Variants in NCR1 observed in about 807,000 individuals in gnomAD.
The protein encoded by NCR1 is natural cytotoxicity triggering receptor 1.
Under a neutral mutation model 32.5 loss-of-function variants are expected in NCR1, and 30 were observed. The ratio of observed to expected loss-of-function variants is 0.92; its 90% CI spans 0.69 to 1.25. NCR1 has a LOEUF of 1.25. Ranked by LOEUF, NCR1 falls within the 50% of genes most tolerant of loss-of-function variation. NCR1 has a pLI of 0.00. For missense variants in NCR1, 369 were observed against 380.7 expected, an observed-to-expected ratio of 0.97 and a Z score of 0.26; for synonymous variants, 169 against 143.4, an observed-to-expected ratio of 1.18 and a Z score of -1.28.
the NCR1 span, chr19:54,938,018 T>C: frequency 6.3e-7 from 1 of 1,579,128 alleles, no homozygotes. Flanking sequence ...TTCAGGGTCT[T>C]CCTTGCAAGA....
chr19:54,923,942 GT>G, the NCR1 span: 8 of 1,516,798 alleles, frequency 5.3e-6, no homozygotes, highest in Non-Finnish European at 7.3e-6. Context: ...CTGAATATCT[GT>G]TTTCAAACAC....
chr19:54,900,019 T>C, the NCR1 span, among the ~76,000 whole-genome samples: 1 of 151,544 alleles, frequency 6.6e-6, no homozygotes, highest in Non-Finnish European at 1.5e-5. Flanking sequence ...GAGAAGAGAG[T>C]AAAAAGAGGC....
chr19:54,936,352 T>C, the NCR1 span: 1 of 1,613,904 alleles, frequency 6.2e-7, no homozygotes, highest in South Asian at 1.1e-5. Context: ...CCTGCCAGGG[T>C]CAGGTGCGTG....
At chr19:54,934,039 G>C in the NCR1 span, among the ~76,000 whole-genome samples, 1 of 152,128 alleles carries the variant, frequency 6.6e-6, no homozygotes, top group South Asian at 2.1e-4. The surrounding 1 kb of genome is among the most constrained non-coding windows in gnomAD (Gnocchi z 6.7). Flanking sequence ...CGCCTCCCAG[G>C]TTTACACCAT....
upstream of NCR1, among the ~76,000 whole-genome samples, chr19:54,903,866 T>TATTAC (rs2067383055): frequency 6.6e-6 from 1 of 151,708 alleles, no homozygotes; most frequent in Non-Finnish European, 1.5e-5. Flanking sequence ...GGCTCACACC[T>TATTAC]GTAATCCCAG....
At chr19:54,928,873 G>A in the NCR1 span, among the ~76,000 whole-genome samples, 1 of 151,948 alleles carries the variant, frequency 6.6e-6, no homozygotes, top group Non-Finnish European at 1.5e-5. Context: ...CGTGATCTCG[G>A]CTCACTGCAA....
downstream of NCR1, among the ~76,000 whole-genome samples, chr19:54,916,317 C>CTTTTTTTTTTTTTT (rs71181711): frequency 2.9e-4 from 25 of 87,108 alleles, 3 homozygotes; most frequent in African/African-American, 5.8e-4. Flanking sequence ...GAATATTGTG[C>CTTTTTTTTTTTTTT]TTTTTTTTTT....
At chr19:54,930,696 G>C in the NCR1 span, 1 of 1,602,358 alleles carries the variant, frequency 6.2e-7, no homozygotes, top group South Asian at 1.1e-5. Context: ...AGAGAAGCCT[G>C]TTATCCCTCT....
At chr19:54,936,412 C>T in the NCR1 span, 1 of 1,614,108 alleles carries the variant, frequency 6.2e-7, no homozygotes, top group Non-Finnish European at 8.5e-7. Flanking sequence ...TACGCGGTGT[C>T]AGGGGTGACG....
chr19:54,934,024 ATCG>A, the NCR1 span, among the ~76,000 whole-genome samples: 2 of 152,118 alleles, frequency 1.3e-5, no homozygotes, highest in African/African-American at 2.4e-5. This position sits in a 1 kb window ranked among gnomAD's most constrained non-coding sequence, Gnocchi z 6.7. Flanking sequence ...TTCACTGCCA[ATCG>A]CCGCCTCCCA....
upstream of NCR1, among the ~76,000 whole-genome samples, chr19:54,903,907 C>G (rs1258798756): frequency 6.6e-6 from 1 of 151,424 alleles, no homozygotes; most frequent in African/African-American, 2.4e-5. Context: ...GGAAGATTCA[C>G]TTGAGGTGAG....
upstream of NCR1, among the ~76,000 whole-genome samples, chr19:54,902,127 T>C (rs1046510281): frequency 2.6e-5 from 4 of 152,218 alleles, no homozygotes; most frequent in Admixed American, 1.3e-4. Context: ...TGAACATTAA[T>C]AACAGAATGT....
At chr19:54,937,487 T>G in the NCR1 span, among the ~76,000 whole-genome samples, 10 of 126,852 alleles carry the variant, frequency 7.9e-5, no homozygotes, top group Non-Finnish European at 1.5e-4. Context: ...AGGTCAGGAG[T>G]TCGAGACAAG....
chr19:54,906,133 T>C (rs111900299), upstream of NCR1: 5 of 1,612,964 alleles, frequency 3.1e-6, no homozygotes, highest in African/African-American at 2.7e-5. Flanking sequence ...TCTATCTCCC[T>C]GGCCCGCCCG....
chr19:54,930,276 G>A, the NCR1 span, among the ~76,000 whole-genome samples: 1 of 151,692 alleles, frequency 6.6e-6, no homozygotes, highest in Admixed American at 6.6e-5. Flanking sequence ...AAACCAGCCC[G>A]GGAAAGATGA....
chr19:54,905,667 C>T (rs1473980900), upstream of NCR1, among the ~76,000 whole-genome samples: 1 of 152,148 alleles, frequency 6.6e-6, no homozygotes, highest in Non-Finnish European at 1.5e-5. Flanking sequence ...GGCTCACTAG[C>T]CACAGACAGA....
chr19:54,917,323 A>AAC (rs1187988061), downstream of NCR1, among the ~76,000 whole-genome samples: 7 of 151,306 alleles, frequency 4.6e-5, no homozygotes, highest in African/African-American at 1.5e-4. Context: ...AAAAAAAACA[A>AAC]AAACAAAAAC....
chr19:54,906,411 T>A (rs45609140), intron 2 of NCR1, 77 bp downstream of exon 2: 1,572,577 of 1,604,138 alleles, frequency 0.98, 770,877 homozygotes, highest in East Asian at 1. Context: ...ACGGCTGGGG[T>A]GAGGGGACAG....
chr19:54,903,817 T>C (rs972665309), upstream of NCR1, among the ~76,000 whole-genome samples: 3 of 151,678 alleles, frequency 2.0e-5, no homozygotes, highest in African/African-American at 7.3e-5. Context: ...GGAGAGTTAG[T>C]TACTTACTTA....
Sources: gnomAD v4.1 joint callset for allele counts (sites outside exome capture counted in the v4.1 genomes callset) on GRCh38, gnomAD v4.1.1 for gene constraint, Gnocchi (gnomAD v3.1) non-coding constraint, MANE v1.5 for transcripts, NCBI Gene and HGNC (gene_info 2026-07-23, HGNC 2026-07-21) for gene names.